The following POU6F2 variants were observed in gnomAD, a reference collection of about 807,000 sequenced individuals.
The protein encoded by POU6F2 is POU domain, class 6, transcription factor 2.
Under a neutral mutation model 71.3 loss-of-function variants are expected in POU6F2, and 31 were observed. The ratio of observed to expected loss-of-function variants is 0.43; its 90% CI spans 0.33 to 0.59. The LOEUF (loss-of-function observed/expected upper bound fraction) is 0.59. Among genes scored for constraint, POU6F2 ranks in the 20% least tolerant of loss-of-function variants. The pLI is 0.04. For synonymous variants in POU6F2, 347 were observed against 355.7 expected (o/e 0.98, Z 0.27); for missense variants, 783 against 856.8 (o/e 0.91, Z 1.07).
intron 2 of POU6F2, among the ~76,000 whole-genome samples, chr7:39,183,794 C>T (rs147866399): frequency 8.5e-5 from 13 of 152,278 alleles, no homozygotes; most frequent in African/African-American, 2.9e-4. Context: ...CTATAGCTTC[C>T]ATTGACAAAG....
chr7:39,092,786 A>G (rs1232192693), intron 2 of POU6F2, among the ~76,000 whole-genome samples: 1 of 152,190 alleles, frequency 6.6e-6, no homozygotes, highest in African/African-American at 2.4e-5. Flanking sequence ...GTGACACTTT[A>G]TGAGCTATCA....
At chr7:39,104,445 T>G (rs1451301682) in intron 2 of POU6F2, among the ~76,000 whole-genome samples, 1 of 152,210 alleles carries the variant, frequency 6.6e-6, no homozygotes. Context: ...GGCTGGAACC[T>G]TAGCTGGGCT....
At chr7:38,998,831 T>A (rs985221039) in intron 1 of POU6F2, among the ~76,000 whole-genome samples, 1 of 142,982 alleles carries the variant, frequency 7.0e-6, no homozygotes, top group Non-Finnish European at 1.6e-5. Flanking sequence ...TTTTTTTTTT[T>A]TTTTTTTTAT....
At chr7:39,041,872 G>A (rs991423000) in intron 1 of POU6F2, among the ~76,000 whole-genome samples, 1 of 151,910 alleles carries the variant, frequency 6.6e-6, no homozygotes, top group Non-Finnish European at 1.5e-5. Context: ...AAGACCCAAG[G>A]AGTATTGAAA....
At chr7:39,454,657 T>TAGATAG (rs1562558960) in intron 8 of POU6F2, among the ~76,000 whole-genome samples, 1 of 260 alleles carries the variant, frequency 3.8e-3, no homozygotes, top group Non-Finnish European at 0.014. Context: ...AGACCAGGGA[T>TAGATAG]ATATATATAT....
At chr7:39,392,217 T>C (rs1316241476) in intron 5 of POU6F2, among the ~76,000 whole-genome samples, 2 of 152,212 alleles carry the variant, frequency 1.3e-5, no homozygotes, top group African/African-American at 4.8e-5. Flanking sequence ...TGAAGAACCT[T>C]AAAAAATTAT....
chr7:39,077,473 C>T (rs1256307169), intron 1 of POU6F2, among the ~76,000 whole-genome samples: 1 of 152,166 alleles, frequency 6.6e-6, no homozygotes, highest in Non-Finnish European at 1.5e-5. Flanking sequence ...AGCGGTTTGG[C>T]TTAATTGCTT....
chr7:39,380,482 C>T (rs1786805239), intron 5 of POU6F2, among the ~76,000 whole-genome samples: 1 of 152,160 alleles, frequency 6.6e-6, no homozygotes, highest in African/African-American at 2.4e-5. Context: ...CTCTGCTAGC[C>T]TAGCAGAAGG....
At chr7:39,279,303 TGTC>T (rs376874920) in intron 4 of POU6F2, among the ~76,000 whole-genome samples, 73,583 of 151,578 alleles carry the variant, frequency 0.49, 19,185 homozygotes, top group East Asian at 0.69. Flanking sequence ...CCTTCCCAGG[TGTC>T]CTAAGCAGCA....
At chr7:39,255,317 C>G (rs76845829) in intron 4 of POU6F2, among the ~76,000 whole-genome samples, 1 of 152,210 alleles carries the variant, frequency 6.6e-6, no homozygotes, top group African/African-American at 2.4e-5. Flanking sequence ...TATTAAAAGA[C>G]CAAAACAGGA....
Position 39,304,701 on chromosome 7 carries a change from C to T in POU6F2, c.599-34941C>T, listed in dbSNP as rs141205724. ...TAATGCCCCATGCAAGCTGAGAGTA[C>T]GCACACACAGCATTCCTTTCTATTT... On this transcript the variant is annotated intron_variant, in intron 4 of 9. Transcript: ENST00000518318. 4.3e-3 allele frequency among the ~76,000 whole-genome samples: 648 copies of T among 152,294 alleles called. 4 individuals carry two copies. The highest frequency in any genetic ancestry group is 0.014 in the African/African-American group (597 of 41,554).
intron 5 of POU6F2, among the ~76,000 whole-genome samples, chr7:39,376,811 TTTG>T (rs1167905249): frequency 6.6e-6 from 1 of 151,828 alleles, no homozygotes; most frequent in African/African-American, 2.4e-5. Context: ...TGGACATAGC[TTTG>T]TTGTTTATTT....
chr7:39,024,765 T>C (rs1265091116), intron 1 of POU6F2, among the ~76,000 whole-genome samples: 1 of 151,876 alleles, frequency 6.6e-6, no homozygotes, highest in African/African-American at 2.4e-5. Context: ...GAGATAATCA[T>C]GTGGTTTTTG....
chr7:39,200,218 G>A (rs7784092), intron 2 of POU6F2, among the ~76,000 whole-genome samples: 56,665 of 152,000 alleles, frequency 0.37, 10,894 homozygotes, highest in South Asian at 0.49. Flanking sequence ...CCTGGGTAAC[G>A]TCTAAGCCAC....
At chr7:39,338,306 GC>G (rs1405540463) in intron 4 of POU6F2, among the ~76,000 whole-genome samples, 1 of 152,188 alleles carries the variant, frequency 6.6e-6, no homozygotes, top group Non-Finnish European at 1.5e-5. Context: ...GGGGGAAATG[GC>G]AAAAGCAGGC....
intron 4 of POU6F2, among the ~76,000 whole-genome samples, chr7:39,326,012 A>G (rs1785496819): frequency 6.6e-6 from 1 of 152,234 alleles, no homozygotes; most frequent in Admixed American, 6.5e-5. Flanking sequence ...TGGAAAACCC[A>G]TGCTCAATAA....
intron 4 of POU6F2, among the ~76,000 whole-genome samples, chr7:39,257,960 C>G (rs1384611195): frequency 6.6e-6 from 1 of 152,142 alleles, no homozygotes; most frequent in Non-Finnish European, 1.5e-5. Flanking sequence ...AAAGAAAGTA[C>G]CAGTGCTTAA....
intron 4 of POU6F2, among the ~76,000 whole-genome samples, chr7:39,310,851 T>C: frequency 6.6e-6 from 1 of 152,178 alleles, no homozygotes; most frequent in East Asian, 1.9e-4. Flanking sequence ...GCTGGCTGCC[T>C]GCCTTTCCCC....
At chr7:39,209,301 G>C (rs1019736222) in intron 4 of POU6F2, among the ~76,000 whole-genome samples, 2 of 152,128 alleles carry the variant, frequency 1.3e-5, no homozygotes, top group African/African-American at 2.4e-5. Context: ...TGATTAAGTA[G>C]GGGAAACAAA....
Sources: allele counts gnomAD v4.1 joint callset (sites outside exome capture counted in the v4.1 genomes callset), GRCh38; gene constraint gnomAD v4.1.1; transcripts MANE v1.5; gene names NCBI Gene and HGNC (gene_info 2026-07-23, HGNC 2026-07-21).